The following ATXN7 variants were observed in gnomAD, a reference collection of about 807,000 sequenced individuals.
ATXN7 encodes ataxin-7.
ATXN7 carries 12 observed loss-of-function variants against 70.5 expected under a neutral mutation model. That is an observed-to-expected ratio of 0.17 (90% CI 0.11 to 0.28). The LOEUF (loss-of-function observed/expected upper bound fraction) is 0.28, where lower values mean the gene tolerates loss of function less well. ATXN7 is among the 10% of genes least tolerant of loss of function. The pLI, the probability that ATXN7 is intolerant of heterozygous loss-of-function variation, is 1.00. For missense variants in ATXN7, 1,256 were observed against 1,131.7 expected (o/e 1.11, Z -1.58); for synonymous variants, 498 against 448.7 (o/e 1.11, Z -1.39).
intron 5 of ATXN7, among the ~76,000 whole-genome samples, chr3:63,977,677 AG>A (rs1173482506): frequency 6.6e-6 from 1 of 152,092 alleles, no homozygotes; most frequent in Non-Finnish European, 1.5e-5. Context: ...GAAATGGATT[AG>A]GGGGTGGTTT....
At chr3:63,863,471 G>A, upstream of ATXN7, 4 of 1,161,460 alleles carry the variant, frequency 3.4e-6, no homozygotes, top group Non-Finnish European at 4.2e-6. Flanking sequence ...ACCCACGTGT[G>A]TTCCCAGCCC....
intron 1 of ATXN7, among the ~76,000 whole-genome samples, chr3:63,895,558 G>C (rs1467941758): frequency 1.3e-5 from 2 of 152,032 alleles, no homozygotes; most frequent in Admixed American, 1.3e-4. Flanking sequence ...TAAAAGGTGG[G>C]GGCGGGGGCA....
In ATXN7 at chr3:63,863,935, TGAGCC is replaced by T. The variant is rs1559612641; in HGVS notation, c.-332_-328del. On this transcript the variant is annotated 5_prime_UTR_variant, in exon 1 of 13. An upstream open reading frame in the 5' UTR gains an earlier in-frame stop. Transcript: ENST00000674280. ...GCCCGCGGCCGCCTGCTCCGACGCC[TGAGCC>T]GCGCCGCGCCGCGCCGCCGCCGCCG... 12 of 430,284 alleles carry T rather than the reference TGAGCC, an allele frequency of 2.8e-5. No homozygotes were observed. The highest frequency in any genetic ancestry group is 2.2e-4 in the East Asian group (1 of 4,620). The allele number at this position is 430,284 out of a possible 1,614,324, so 26.7% of individuals were successfully genotyped here. A position where few individuals can be genotyped will look rare whatever the true frequency, so the allele number is the denominator to read the frequency against.
At position 63,999,577 on chromosome 3, in the gene ATXN7, C is replaced by T. The variant is rs1186630483; in HGVS notation, c.*110C>T. ...GCCTTTGAGTCTGTTTTCCCAACCT[C>T]CTGTGGGCCTCAAGGGTAGAAACCT... On this transcript the variant is annotated 3_prime_UTR_variant, in exon 13 of 13. Transcript: ENST00000674280. The T allele has an allele frequency of 2.6e-6, 4 of 1,557,998 alleles. No individual in the cohort carries two copies. The highest frequency in any genetic ancestry group is 2.4e-5 in the East Asian group (1 of 42,508).
rs530779831 is a variant in ATXN7, at chr3:63,941,547, G to A, written c.395-10832G>A. ...GTCCCATGGAAAAATTGTCTTCCAC[G>A]AAACTGTTCCCTGGTGCCAGAAAGG... On this transcript the variant is annotated intron_variant, in intron 4 of 12. Transcript: ENST00000674280. 2.6e-5 allele frequency among the ~76,000 whole-genome samples: 4 copies of A among 152,290 alleles called. No homozygotes were observed. The South Asian group carries it at 8.3e-4, about 32-fold the overall frequency.
chr3:63,995,670 A>G lies in ATXN7; in HGVS notation c.1848A>G (p.Lys616=), dbSNP rs369693067. The change falls in exon 12 of 13, where the codon AAA becomes AAG. Residue 616 remains lysine (K), a synonymous_variant. Transcript: ENST00000674280. ...CTACCTGCATCTCCCCAAATAGCAAATCGGTACCAGCTCATGGAACCACAC... is the reference window on the plus strand; with the variant it reads ...CTACCTGCATCTCCCCAAATAGCAAGTCGGTACCAGCTCATGGAACCACAC... ...LSSTCISPNS[K]SVPAHGTTLN... 6.2e-7 allele frequency: 1 copy of G among 1,614,144 alleles called. No individual in the cohort carries two copies. Among genetic ancestry groups the G allele is most frequent in the East Asian group, 2.2e-5 (1 of 44,866 alleles).
rs1436063498 is a variant in ATXN7 at position 63,999,681 on chromosome 3, G to A, written c.*214G>A. ...GTACTCATAAAGGACACTGGATCAA[G>A]TTCAGCCACCGAATTGCTTTTATCA... On this transcript the variant is annotated 3_prime_UTR_variant, in exon 13 of 13. Transcript: ENST00000674280. The A allele has an allele frequency of 2.5e-6, 2 of 813,954 alleles. No homozygotes were observed. Among genetic ancestry groups the A allele is most frequent in the Non-Finnish European group, 4.0e-6 (2 of 495,994 alleles). The allele number at this position is 813,954 out of a possible 1,614,324, so 50.4% of individuals were successfully genotyped here. A position where few individuals can be genotyped will look rare whatever the true frequency, so the allele number is the denominator to read the frequency against.
Position 64,001,318 on chromosome 3 carries a change from A to G in ATXN7, c.*1851A>G, listed in dbSNP as rs1049854666. The G allele has an allele frequency of 8.5e-5, 13 of 152,196 alleles. No individual in the cohort carries two copies. Among genetic ancestry groups the G allele is most frequent in the African/African-American group, 2.9e-4 (12 of 41,446 alleles). The allele number at this position is 152,196 out of a possible 1,614,324, so 9.4% of individuals were successfully genotyped here. ...TTAAAATGATACTACAGGAGAGCTT[A>G]GTAAGGAGAGGGCATGGATGGGCCA... On this transcript the variant is annotated 3_prime_UTR_variant, in exon 13 of 13. Transcript: ENST00000674280.
intron 11 of ATXN7, among the ~76,000 whole-genome samples, chr3:63,992,857 TAGG>T (rs1366102885): frequency 2.0e-5 from 3 of 152,188 alleles, no homozygotes; most frequent in Non-Finnish European, 4.4e-5. Context: ...CCTCCCAACA[TAGG>T]AGTGCTGGCG....
At chr3:63,984,150 T>C (rs1213016928) in intron 8 of ATXN7, among the ~76,000 whole-genome samples, 1 of 151,874 alleles carries the variant, frequency 6.6e-6, no homozygotes, top group Non-Finnish European at 1.5e-5. Flanking sequence ...CTTACAACAG[T>C]GGTTCAGAAC....
At chr3:63,918,389 T>G (rs1704372058) in intron 4 of ATXN7, among the ~76,000 whole-genome samples, 1 of 152,226 alleles carries the variant, frequency 6.6e-6, no homozygotes, top group African/African-American at 2.4e-5. Flanking sequence ...AAATAGCATT[T>G]CTGTTTTTCT....
chr3:63,933,206 C>G (rs1306210845), intron 4 of ATXN7, among the ~76,000 whole-genome samples: 4 of 152,278 alleles, frequency 2.6e-5, no homozygotes, highest in Non-Finnish European at 2.9e-5. Context: ...GGACATGTTT[C>G]CTTTCTCTCT....
At chr3:63,873,366 G>A (rs1575832876) in intron 1 of ATXN7, among the ~76,000 whole-genome samples, 2 of 152,272 alleles carry the variant, frequency 1.3e-5, no homozygotes, top group Non-Finnish European at 2.9e-5. Flanking sequence ...AGGGATCCAG[G>A]TAGCAGGACT....
chr3:63,999,707 G>A lies in ATXN7; in HGVS notation c.*240G>A. ...TTCAGCCACCGAATTGCTTTTATCA[G>A]TGTTAAAGTGGTCTGAACTGCTTGC... On this transcript the variant is annotated 3_prime_UTR_variant, in exon 13 of 13. Coordinates refer to ENST00000674280, the MANE Select transcript of ATXN7 (RefSeq NM_001377405.1). The A allele has an allele frequency of 1.4e-6, 1 of 696,128 alleles. No homozygotes were observed. Among genetic ancestry groups the A allele is most frequent in the South Asian group, 1.8e-5 (1 of 54,944 alleles). The allele number at this position is 696,128 out of a possible 1,614,324, so 43.1% of individuals were successfully genotyped here.
chr3:63,865,846 G>T (rs903775302), intron 1 of ATXN7, among the ~76,000 whole-genome samples: 8 of 115,748 alleles, frequency 6.9e-5, no homozygotes, highest in Admixed American at 1.3e-4. Context: ...AGTGAGCCCA[G>T]ATCCCGCCAC....
chr3:63,907,186 G>C (rs1342734277), intron 2 of ATXN7, among the ~76,000 whole-genome samples: 1 of 152,288 alleles, frequency 6.6e-6, no homozygotes, highest in Admixed American at 6.5e-5. Context: ...TATGCACAGA[G>C]AGGCTAAGTG....
Position 63,912,887 on chromosome 3 carries a change from C to G in ATXN7, c.289C>G (p.Leu97Val), listed in dbSNP as rs909280730. Reference protein sequence around the residue: ...PEVMLGQSWNLWVEASKLPGK... With the variant: ...PEVMLGQSWNVWVEASKLPGK... ...AGTGATGCTGGGACAGTCGTGGAATCTGTGGGTTGAGGCTTCCAAACTTCC... is the reference window on the plus strand; with the variant it reads ...AGTGATGCTGGGACAGTCGTGGAATGTGTGGGTTGAGGCTTCCAAACTTCC... Residue 97 changes from leucine (L) to valine (V), a missense_variant, in exon 3 of 13, where the codon CTG (leucine) becomes GTG (valine). Physicochemically the swap from Leu to Val is conservative, Grantham distance 32. Coordinates refer to ENST00000674280, the MANE Select transcript of ATXN7 (RefSeq NM_001377405.1). 5.0e-6 allele frequency: 8 copies of G among 1,613,406 alleles called. No homozygotes were observed. In the African/African-American group the frequency reaches 1.1e-4, roughly 22 times the overall value.
At chr3:63,864,370 A>T (rs1702336757) in intron 1 of ATXN7, 1 of 151,894 alleles carries the variant, frequency 6.6e-6, no homozygotes, top group South Asian at 2.1e-4. Flanking sequence ...AGGCGGGACT[A>T]GGGGTACCGA....
At chr3:63,993,542 C>A (rs2075707784) in intron 11 of ATXN7, among the ~76,000 whole-genome samples, 1 of 151,988 alleles carries the variant, frequency 6.6e-6, no homozygotes, top group Admixed American at 6.5e-5. Context: ...ACCTAGCCCC[C>A]ACAGACATTT....
Sources: gnomAD v4.1 joint callset for allele counts (sites outside exome capture counted in the v4.1 genomes callset) on GRCh38, gnomAD v4.1.1 for gene constraint, MANE v1.5 for transcripts, NCBI Gene and HGNC (gene_info 2026-07-23, HGNC 2026-07-21) for gene names.